ROBO1: variants seen among roughly 807,000 people sequenced by gnomAD.
ROBO1 encodes the protein roundabout guidance receptor 1.
ROBO1 carries 149 observed loss-of-function variants against 195.9 expected under a neutral mutation model. The ratio of observed to expected loss-of-function variants is 0.76; its 90% CI spans 0.67 to 0.87. The LOEUF (loss-of-function observed/expected upper bound fraction) is 0.87. Ranked by LOEUF, ROBO1 falls within the 40% of genes least tolerant of loss-of-function variation. The pLI, the probability that ROBO1 is intolerant of heterozygous loss-of-function variation, is 0.00. For missense variants in ROBO1, 1,933 were observed against 2,068.3 expected, an observed-to-expected ratio of 0.93 and a Z score of 1.27; for synonymous variants, 816 against 733.2, an observed-to-expected ratio of 1.11 and a Z score of -1.82.
chr3:79,010,018 T>G (rs1156709759), intron 3 of ROBO1, among the ~76,000 whole-genome samples: 1 of 152,162 alleles, frequency 6.6e-6, no homozygotes, highest in Non-Finnish European at 1.5e-5. Context: ...GTTTCTGTGT[T>G]GTAGAGTGTG....
intron 1 of ROBO1, among the ~76,000 whole-genome samples, chr3:79,606,772 T>C (rs762922326): frequency 6.6e-6 from 1 of 151,978 alleles, no homozygotes; most frequent in Non-Finnish European, 1.5e-5. Context: ...ATTTTATTAT[T>C]ATTATATTTT....
chr3:78,756,647 G>A (rs188240266), intron 4 of ROBO1, among the ~76,000 whole-genome samples: 61 of 152,248 alleles, frequency 4.0e-4, no homozygotes, highest in African/African-American at 1.3e-3. Flanking sequence ...TTGTGTGTGC[G>A]TGTGTGCATG....
At chr3:78,696,530 G>A (rs1417657506) in intron 8 of ROBO1, among the ~76,000 whole-genome samples, 2 of 151,794 alleles carry the variant, frequency 1.3e-5, no homozygotes, top group African/African-American at 4.8e-5. Flanking sequence ...TCAATTAGTG[G>A]TGAAGAATAT....
intron 3 of ROBO1, among the ~76,000 whole-genome samples, chr3:78,959,610 T>C (rs1173116364): frequency 6.6e-6 from 1 of 152,180 alleles, no homozygotes; most frequent in Non-Finnish European, 1.5e-5. Flanking sequence ...TTTATGGGCC[T>C]GTGATATAAG....
chr3:79,742,547 A>G (rs978353758), intron 1 of ROBO1, among the ~76,000 whole-genome samples: 1 of 151,934 alleles, frequency 6.6e-6, no homozygotes, highest in Non-Finnish European at 1.5e-5. Flanking sequence ...ACTATGTGCT[A>G]TGTGCTTGCT....
intron 2 of ROBO1, among the ~76,000 whole-genome samples, chr3:79,487,599 T>C (rs981150942): frequency 6.6e-6 from 1 of 152,192 alleles, no homozygotes; most frequent in African/African-American, 2.4e-5. Context: ...AGGTTTGAAT[T>C]GACTCTTTAA....
intron 2 of ROBO1, among the ~76,000 whole-genome samples, chr3:79,304,405 A>G (rs529264369): frequency 3.3e-5 from 5 of 152,288 alleles, no homozygotes; most frequent in African/African-American, 1.2e-4. Context: ...CGGCTATTTA[A>G]AGTGTGTAAT....
intron 8 of ROBO1, among the ~76,000 whole-genome samples, chr3:78,710,190 C>T (rs945817564): frequency 2.0e-5 from 3 of 152,130 alleles, no homozygotes; most frequent in African/African-American, 7.2e-5. Context: ...CTGCCTCAGC[C>T]CCCCATGTCG....
chr3:78,886,983 C>T (rs767171749), intron 4 of ROBO1, among the ~76,000 whole-genome samples: 3 of 152,024 alleles, frequency 2.0e-5, no homozygotes, highest in Non-Finnish European at 2.9e-5. Flanking sequence ...TAGCTATACA[C>T]CTTTAGTTAT....
intron 2 of ROBO1, among the ~76,000 whole-genome samples, chr3:79,290,373 G>A (rs993028527): frequency 3.3e-5 from 5 of 151,946 alleles, no homozygotes; most frequent in South Asian, 2.1e-4. Flanking sequence ...GTTTATGCTT[G>A]TGGTCTTGTA....
chr3:78,863,422 G>A (rs574996255), intron 4 of ROBO1, among the ~76,000 whole-genome samples: 66 of 152,238 alleles, frequency 4.3e-4, no homozygotes, highest in African/African-American at 1.6e-3. Context: ...AGCCAGGGGG[G>A]AAATGTGCAA....
At chr3:79,177,768 T>C (rs2081281446) in intron 2 of ROBO1, among the ~76,000 whole-genome samples, 1 of 152,222 alleles carries the variant, frequency 6.6e-6, no homozygotes. Context: ...ATTACTGGCT[T>C]CTGCTGCCTA....
chr3:78,633,077 A>T (rs1478823604), intron 24 of ROBO1, among the ~76,000 whole-genome samples: 2 of 152,202 alleles, frequency 1.3e-5, no homozygotes, highest in Non-Finnish European at 2.9e-5. Context: ...GTAAAATGCA[A>T]ATGCCATATT....
At chr3:79,637,384 C>CA (rs71130603) in intron 1 of ROBO1, among the ~76,000 whole-genome samples, 77,228 of 131,360 alleles carry the variant, frequency 0.59, 20,870 homozygotes, top group South Asian at 0.66. Context: ...TTATAAGTAG[C>CA]AAAAAAAAAA....
chr3:79,766,537 C>A (rs948877949), intron 1 of ROBO1, among the ~76,000 whole-genome samples: 1 of 151,796 alleles, frequency 6.6e-6, no homozygotes, highest in Non-Finnish European at 1.5e-5. Context: ...CCTCAGGGCG[C>A]GTGGCAACTG....
At chr3:79,720,194 A>G (rs1375856943) in intron 1 of ROBO1, among the ~76,000 whole-genome samples, 3 of 152,316 alleles carry the variant, frequency 2.0e-5, no homozygotes, top group South Asian at 4.1e-4. Flanking sequence ...GGAGGAAATG[A>G]TAAGGCTATG....
At chr3:78,679,704 G>T (rs531319010) in intron 10 of ROBO1, among the ~76,000 whole-genome samples, 1 of 152,048 alleles carries the variant, frequency 6.6e-6, no homozygotes, top group Non-Finnish European at 1.5e-5. Flanking sequence ...ATGGAAGAAC[G>T]TTCCATGCTC....
chr3:79,434,304 T>C (rs949711074), intron 2 of ROBO1, among the ~76,000 whole-genome samples: 1 of 152,146 alleles, frequency 6.6e-6, no homozygotes, highest in Non-Finnish European at 1.5e-5. Flanking sequence ...AGAAAATTTT[T>C]GCAATCTACT....
rs1286571855 is a variant in ROBO1 at position 78,720,994 on chromosome 3, C to T, written c.658-3111G>A. On this transcript the variant is annotated intron_variant, in intron 5 of 30. Transcript: ENST00000464233. ...GCATAGCATTAGGAGATATACCTAA[C>T]GTAAATGATGAGTTGATGGGTGCAG... Among the ~76,000 whole-genome samples, 9 of 150,236 alleles carry T rather than the reference C, an allele frequency of 6.0e-5. No individual in the cohort carries two copies. The South Asian group carries it at 1.3e-3, about 21-fold the overall frequency.
Sources: allele counts gnomAD v4.1 joint callset (sites outside exome capture counted in the v4.1 genomes callset), GRCh38; gene constraint gnomAD v4.1.1; transcripts MANE v1.5; gene names NCBI Gene and HGNC (gene_info 2026-07-23, HGNC 2026-07-21).